The following KALRN variants were observed in gnomAD, a reference collection of about 807,000 sequenced individuals.
KALRN encodes kalirin RhoGEF kinase, also known as kalirin.
In KALRN, 70 loss-of-function variants were observed where a neutral mutation model predicts 353.7. That is an observed-to-expected ratio of 0.20 (90% CI 0.16 to 0.24). KALRN has a LOEUF of 0.24. KALRN is among the 10% of genes least tolerant of loss of function. The probability of loss-of-function intolerance (pLI) is 1.00; values close to 1 mark genes in which losing one functional copy is unlikely to be tolerated. For missense variants in KALRN, 2,791 were observed against 3,756.7 expected (o/e 0.74, Z 6.72); for synonymous variants, 1,391 against 1,434.8 (o/e 0.97, Z 0.69).
intron 34 of KALRN, among the ~76,000 whole-genome samples, chr3:124,574,540 G>T (rs1184465721): frequency 6.6e-6 from 1 of 152,156 alleles, no homozygotes; most frequent in African/African-American, 2.4e-5. Flanking sequence ...ATGGAGCTCA[G>T]AGCTAAAATG....
intron 6 of KALRN, among the ~76,000 whole-genome samples, chr3:124,302,604 G>A (rs952651368): frequency 6.6e-6 from 1 of 152,198 alleles, no homozygotes; most frequent in Admixed American, 6.5e-5. Context: ...ATTGGTTGAA[G>A]ACCCAATTCC....
intron 1 of KALRN, among the ~76,000 whole-genome samples, chr3:124,068,319 G>A (rs1008449316): frequency 5.3e-5 from 8 of 152,100 alleles, no homozygotes; most frequent in Admixed American, 1.3e-4. Context: ...GCCTTTCCAC[G>A]GGTAGCATCC....
At chr3:124,171,658 A>G (rs1306809361) in intron 1 of KALRN, among the ~76,000 whole-genome samples, 1 of 152,212 alleles carries the variant, frequency 6.6e-6, no homozygotes, top group African/African-American at 2.4e-5. Flanking sequence ...GAGTGGGCAC[A>G]TAAGGATAGA....
intron 1 of KALRN, among the ~76,000 whole-genome samples, chr3:124,124,350 A>C (rs998141382): frequency 3.3e-5 from 5 of 152,252 alleles, no homozygotes; most frequent in African/African-American, 1.2e-4. Flanking sequence ...TGACTGAATT[A>C]TTGCAATCTC....
At chr3:124,369,157 T>G (rs1436710873) in intron 10 of KALRN, among the ~76,000 whole-genome samples, 1 of 152,266 alleles carries the variant, frequency 6.6e-6, no homozygotes, top group African/African-American at 2.4e-5. Flanking sequence ...CTTCAGGCTC[T>G]ACATAACTAG....
intron 51 of KALRN, among the ~76,000 whole-genome samples, chr3:124,681,868 G>C (rs2150487395): frequency 6.6e-6 from 1 of 152,170 alleles, no homozygotes; most frequent in Non-Finnish European, 1.5e-5. Flanking sequence ...GACCTCAAGT[G>C]ATCTGCCTGC....
intron 5 of KALRN, among the ~76,000 whole-genome samples, chr3:124,277,063 G>A (rs768974476): frequency 1.1e-4 from 16 of 152,230 alleles, no homozygotes; most frequent in East Asian, 3.9e-4. Flanking sequence ...GAACCTAGGC[G>A]GTGGCTAAAG....
chr3:124,286,074 C>CT (rs1294592027), intron 5 of KALRN, among the ~76,000 whole-genome samples: 10 of 105,122 alleles, frequency 9.5e-5, no homozygotes, highest in African/African-American at 1.9e-4. Context: ...TTCTTTCTTT[C>CT]TTTCCTTCCT....
At chr3:124,294,058 G>A (rs1199076333) in intron 5 of KALRN, among the ~76,000 whole-genome samples, 1 of 151,986 alleles carries the variant, frequency 6.6e-6, no homozygotes, top group African/African-American at 2.4e-5. Context: ...AGAAAGAGGA[G>A]GTAGAGAAGG....
chr3:124,345,598 A>G (rs2149539170), intron 9 of KALRN, among the ~76,000 whole-genome samples: 1 of 152,318 alleles, frequency 6.6e-6, no homozygotes, highest in East Asian at 1.9e-4. Flanking sequence ...TTGCCAGAAT[A>G]TATTATAAAG....
intron 1 of KALRN, among the ~76,000 whole-genome samples, chr3:124,157,154 G>C (rs1260621620): frequency 2.6e-5 from 4 of 152,140 alleles, no homozygotes; most frequent in East Asian, 1.9e-4. Flanking sequence ...TTAAACTTCT[G>C]TTATAATCAC....
chr3:124,374,991 C>T (rs527332067), intron 10 of KALRN, among the ~76,000 whole-genome samples: 15 of 152,122 alleles, frequency 9.9e-5, no homozygotes, highest in Non-Finnish European at 1.9e-4. Context: ...TCTATGTATC[C>T]ACATCTGTAT....
chr3:124,124,141 A>T (rs1342410428), intron 1 of KALRN, among the ~76,000 whole-genome samples: 2 of 152,220 alleles, frequency 1.3e-5, no homozygotes, highest in African/African-American at 4.8e-5. Context: ...CCTGAGAAGG[A>T]TTCATCATTG....
Position 124,677,382 on chromosome 3 carries a change from G to T in KALRN, c.7194-808G>T, listed in dbSNP as rs2087305785. 3 of 325,674 alleles carry T rather than the reference G, an allele frequency of 9.2e-6. No individual in the cohort carries two copies. In the Admixed American group the frequency reaches 1.3e-4, roughly 14 times the overall value. The allele number at this position is 325,674 out of a possible 1,614,324, so 20.2% of individuals were successfully genotyped here. A position where few individuals can be genotyped will look rare whatever the true frequency, so the allele number is the denominator to read the frequency against. On this transcript the variant is annotated intron_variant, in intron 49 of 59. Coordinates refer to ENST00000682506, the MANE Select transcript of KALRN (RefSeq NM_001388419.1). The stretch of plus-strand genomic sequence containing the variant: ...GCTCTGCTCTGAGCTTGTCTTCATA[G>T]GTCTGTGAAGAAGTTGCTCCCAAGA...
intron 34 of KALRN, among the ~76,000 whole-genome samples, chr3:124,612,108 T>C (rs1265771620): frequency 2.0e-5 from 3 of 152,252 alleles, no homozygotes; most frequent in Non-Finnish European, 2.9e-5. Flanking sequence ...TACTGCAGCC[T>C]CTGCCTCACA....
intron 31 of KALRN, among the ~76,000 whole-genome samples, chr3:124,492,279 AT>A (rs1340067542): frequency 6.6e-6 from 1 of 152,194 alleles, no homozygotes; most frequent in African/African-American, 2.4e-5. Context: ...CCCAGGACTG[AT>A]TTCTAGTCAG....
At chr3:124,330,213 G>T (rs1407353288) in intron 8 of KALRN, among the ~76,000 whole-genome samples, 1 of 148,894 alleles carries the variant, frequency 6.7e-6, no homozygotes. Context: ...GCACCACTTT[G>T]GTGCACTCGC....
intron 9 of KALRN, among the ~76,000 whole-genome samples, chr3:124,339,813 C>G (rs1242832876): frequency 6.6e-6 from 1 of 152,108 alleles, no homozygotes; most frequent in Non-Finnish European, 1.5e-5. Flanking sequence ...TTTAGTTTAC[C>G]TAAAACATCA....
chr3:124,564,050 CA>C (rs2072419775), intron 34 of KALRN, among the ~76,000 whole-genome samples: 1 of 140,130 alleles, frequency 7.1e-6, no homozygotes, highest in Non-Finnish European at 1.5e-5. Flanking sequence ...GGGCAAAATA[CA>C]AAAATTAGCC....
Sources: allele counts gnomAD v4.1 joint callset (sites outside exome capture counted in the v4.1 genomes callset), GRCh38; gene constraint gnomAD v4.1.1; transcripts MANE v1.5; gene names NCBI Gene and HGNC (gene_info 2026-07-23, HGNC 2026-07-21).